CCDC7: variants seen among roughly 807,000 people sequenced by gnomAD.
CCDC7 encodes the protein coiled-coil domain-containing protein 7.
A neutral mutation model predicts 196.9 loss-of-function variants in CCDC7; 183 were observed. The observed-to-expected ratio is 0.93, with a 90% CI of 0.82 to 1.05. The LOEUF (loss-of-function observed/expected upper bound fraction) is 1.05, where lower values mean the gene tolerates loss of function less well. CCDC7 is among the 50% of genes least tolerant of loss of function. CCDC7 has a pLI of 0.00. For synonymous variants in CCDC7, 525 were observed against 484.6 expected (o/e 1.08, Z -1.10); for missense variants, 1,540 against 1,482.2 (o/e 1.04, Z -0.64).
At chr10:32,709,431 G>A (rs1414916261) in intron 24 of CCDC7, among the ~76,000 whole-genome samples, 6 of 151,930 alleles carry the variant, frequency 3.9e-5, no homozygotes, top group African/African-American at 1.2e-4. Flanking sequence ...TAATAATCCT[G>A]CACGTTATGC....
chr10:32,500,611 C>G (rs1382534819), intron 9 of CCDC7, among the ~76,000 whole-genome samples: 1 of 151,436 alleles, frequency 6.6e-6, no homozygotes, highest in African/African-American at 2.4e-5. Flanking sequence ...GATGGGCGGC[C>G]AGGCAGAGAC....
At chr10:32,793,363 T>A (rs58979704) in intron 29 of CCDC7, among the ~76,000 whole-genome samples, 21,873 of 152,060 alleles carry the variant, frequency 0.14, 1,918 homozygotes, top group African/African-American at 0.25. Context: ...GAATTATTGG[T>A]GGAAAGAAGT....
chr10:32,863,822 T>A (rs939835819), intron 41 of CCDC7, among the ~76,000 whole-genome samples: 2 of 151,808 alleles, frequency 1.3e-5, no homozygotes, highest in Admixed American at 6.6e-5. Flanking sequence ...GGAGAAAAGA[T>A]CTTTGATGCT....
chr10:32,680,605 C>A (rs1025801992), intron 21 of CCDC7, among the ~76,000 whole-genome samples: 2 of 149,306 alleles, frequency 1.3e-5, no homozygotes, highest in Admixed American at 1.3e-4. Flanking sequence ...ATGATGTTCC[C>A]CACCCTGGGG....
intron 8 of CCDC7, among the ~76,000 whole-genome samples, chr10:32,487,699 C>T (rs563249504): frequency 3.3e-5 from 5 of 152,224 alleles, no homozygotes; most frequent in African/African-American, 1.2e-4. Flanking sequence ...ATTTTCCTTC[C>T]AACAGTCAGG....
intron 9 of CCDC7, chr10:32,511,601 A>G (rs1372363979): frequency 4.4e-6 from 7 of 1,596,080 alleles, no homozygotes; most frequent in Non-Finnish European, 6.0e-6. Context: ...AAGTGGATCC[A>G]ACTTCTGCAA....
intron 20 of CCDC7, among the ~76,000 whole-genome samples, chr10:32,640,797 G>A (rs183046677): frequency 4.7e-4 from 72 of 151,630 alleles, no homozygotes; most frequent in Non-Finnish European, 8.8e-4. Context: ...TGAAATTCTG[G>A]GTTGAAAATT....
chr10:32,571,895 TA>T lies in CCDC7; in HGVS notation c.1454+6del. 1 of 1,567,700 alleles carries T rather than the reference TA, an allele frequency of 6.4e-7. No homozygotes were observed. The highest frequency in any genetic ancestry group is 8.6e-7 in the Non-Finnish European group (1 of 1,160,120). ...AAGCGGAAGACTGATTGAAAAGAGG[TA>T]AAACACTTTTTAAAAATTTGTTCCC... On this transcript the variant is annotated splice_donor_region_variant and intron_variant, in intron 16 of 41. Transcript: ENST00000639629.
intron 13 of CCDC7, among the ~76,000 whole-genome samples, chr10:32,554,197 A>T (rs1252286611): frequency 6.6e-6 from 1 of 152,188 alleles, no homozygotes; most frequent in Non-Finnish European, 1.5e-5. Flanking sequence ...GTCTGTTTCC[A>T]GACGGTGGGC....
At chr10:32,764,676 A>G (rs951424730) in intron 28 of CCDC7, among the ~76,000 whole-genome samples, 1 of 152,032 alleles carries the variant, frequency 6.6e-6, no homozygotes, top group African/African-American at 2.4e-5. Context: ...CCATCTTAGG[A>G]GGGTCCAGAG....
intron 24 of CCDC7, among the ~76,000 whole-genome samples, chr10:32,706,309 CATTT>C (rs1300207888): frequency 6.6e-6 from 1 of 152,084 alleles, no homozygotes; most frequent in African/African-American, 2.4e-5. Context: ...CTCTGGGACA[CATTT>C]AAAGCAGTAT....
rs117568290 is a variant in CCDC7 at position 32,490,138 on chromosome 10, T to C, written c.797-1784T>C. ...CTGTCTCCAGCTGTCTCTGGTATGC[T>C]GATCTCCTCAGCTATCCTGTCTGTG... On this transcript the variant is annotated intron_variant, in intron 8 of 41. Transcript: ENST00000639629. Among the ~76,000 whole-genome samples the C allele has an allele frequency of 7.2e-3, 1,103 of 152,298 alleles. 6 individuals are homozygous for C. The highest frequency in any genetic ancestry group is 0.013 in the Admixed American group (201 of 15,306).
At chr10:32,711,798 T>G in intron 25 of CCDC7, 68 bp downstream of exon 26, 117 of 834,862 alleles carry the variant, frequency 1.4e-4, no homozygotes, top group East Asian at 2.2e-4. Flanking sequence ...TTTTCTTTGG[T>G]TCATACTTAC....
chr10:32,472,719 T>C (rs542643252), intron 7 of CCDC7, among the ~76,000 whole-genome samples, 177 bp downstream of exon 8: 45 of 152,088 alleles, frequency 3.0e-4, no homozygotes, highest in African/African-American at 1.1e-3. Context: ...CTCAGCCTTT[T>C]GAGGTAGCTA....
chr10:32,792,048 T>A (rs536805234), intron 29 of CCDC7, among the ~76,000 whole-genome samples: 1 of 152,206 alleles, frequency 6.6e-6, no homozygotes, highest in African/African-American at 2.4e-5. Flanking sequence ...AATTGAATGA[T>A]ATGTTCAAAG....
rs528677655 is a variant in CCDC7, at chr10:32,759,821, G to A, written c.2906-19156G>A. Among the ~76,000 whole-genome samples, 124 of 152,184 alleles carry A rather than the reference G, an allele frequency of 8.1e-4. 2 individuals are homozygous for A. The highest frequency in any genetic ancestry group is 3.4e-3 in the Middle Eastern group (1 of 294). On this transcript the variant is annotated intron_variant, in intron 28 of 41. Coordinates refer to ENST00000639629, the Ensembl canonical transcript of CCDC7. ...AGTGAACAGGCAACCTACAGAATGG[G>A]AGAAAATTTTTGCAACCTACTCTTC...
intron 20 of CCDC7, among the ~76,000 whole-genome samples, chr10:32,646,074 C>T (rs112855718): frequency 0.022 from 3,151 of 145,986 alleles, 43 homozygotes; most frequent in South Asian, 0.042. Context: ...TACTTATTTT[C>T]GGATTGTTCT....
intron 11 of CCDC7, among the ~76,000 whole-genome samples, chr10:32,537,627 G>T (rs866659710): frequency 6.6e-6 from 1 of 152,048 alleles, no homozygotes; most frequent in African/African-American, 2.4e-5. Context: ...ATAGTTTTGG[G>T]TTTTCATTTA....
At chr10:32,716,934 G>C (rs879937980) in intron 25 of CCDC7, among the ~76,000 whole-genome samples, 4 of 152,014 alleles carry the variant, frequency 2.6e-5, no homozygotes, top group Admixed American at 2.6e-4. Context: ...CACAATAATA[G>C]TGTGATACTT....
Sources: gnomAD v4.1 joint callset for allele counts (sites outside exome capture counted in the v4.1 genomes callset) on GRCh38, gnomAD v4.1.1 for gene constraint, MANE v1.5 for transcripts, NCBI Gene and HGNC (gene_info 2026-07-23, HGNC 2026-07-21) for gene names.